Variants in DGKI observed in about 807,000 individuals in gnomAD.
The protein encoded by DGKI is diacylglycerol kinase iota, also known as DAG kinase iota.
A neutral mutation model predicts 147.5 loss-of-function variants in DGKI; 55 were observed. That is an observed-to-expected ratio of 0.37 (90% CI 0.30 to 0.47). The LOEUF is 0.47. Among genes scored for constraint, DGKI ranks in the 20% least tolerant of loss-of-function variants. The pLI, the probability that DGKI is intolerant of heterozygous loss-of-function variation, is 1.00. For missense variants in DGKI, 1,007 were observed against 1,323.8 expected (o/e 0.76, Z 3.71); for synonymous variants, 469 against 477.1 (o/e 0.98, Z 0.22).
chr7:137,786,455 G>GA (rs1226884501), intron 1 of DGKI, among the ~76,000 whole-genome samples: 1 of 151,980 alleles, frequency 6.6e-6, no homozygotes, highest in Non-Finnish European at 1.5e-5. Context: ...AAACACTGCT[G>GA]AAAGAAATCA....
At chr7:137,697,098 G>C (rs530947855) in intron 1 of DGKI, among the ~76,000 whole-genome samples, 4 of 152,262 alleles carry the variant, frequency 2.6e-5, no homozygotes, top group East Asian at 1.9e-4. Context: ...TAGACTTTCA[G>C]CCTCCAGAAC....
intron 1 of DGKI, among the ~76,000 whole-genome samples, chr7:137,841,104 C>G (rs992498790): frequency 6.6e-6 from 1 of 152,228 alleles, no homozygotes; most frequent in African/African-American, 2.4e-5. Context: ...AGTTCAAACC[C>G]TAGTCTAAGT....
At chr7:137,718,316 C>T (rs1436560912) in intron 1 of DGKI, among the ~76,000 whole-genome samples, 1 of 152,120 alleles carries the variant, frequency 6.6e-6, no homozygotes, top group East Asian at 1.9e-4. Context: ...GTAACTTGTC[C>T]CAAATTGTAA....
At chr7:137,400,543 C>A (rs1482988073) in intron 30 of DGKI, among the ~76,000 whole-genome samples, 2 of 152,110 alleles carry the variant, frequency 1.3e-5, no homozygotes, top group African/African-American at 4.8e-5. Flanking sequence ...AAGGTGGGGA[C>A]AAGGAAGAAA....
At chr7:137,472,635 T>G (rs1179949993) in intron 23 of DGKI, among the ~76,000 whole-genome samples, 1 of 151,600 alleles carries the variant, frequency 6.6e-6, no homozygotes, top group South Asian at 2.1e-4. Flanking sequence ...GTGTGACAAC[T>G]TGTTTTAAAG....
At chr7:137,806,918 C>T (rs117773618) in intron 1 of DGKI, among the ~76,000 whole-genome samples, 109 of 152,288 alleles carry the variant, frequency 7.2e-4, no homozygotes, top group Non-Finnish European at 1.2e-3. Context: ...CACCAACCTA[C>T]GTGGCAGAAG....
intron 6 of DGKI, among the ~76,000 whole-genome samples, chr7:137,641,321 G>A (rs1051465182): frequency 6.6e-6 from 1 of 152,038 alleles, no homozygotes; most frequent in Admixed American, 6.6e-5. Flanking sequence ...GCCTAATACA[G>A]GAACTGAACA....
chr7:137,759,970 T>C (rs1795808983), intron 1 of DGKI, among the ~76,000 whole-genome samples: 1 of 152,098 alleles, frequency 6.6e-6, no homozygotes. Context: ...TTTGCTACCA[T>C]AGCGTGAGTG....
chr7:137,621,536 T>C (rs1426017652), intron 7 of DGKI, among the ~76,000 whole-genome samples: 1 of 152,208 alleles, frequency 6.6e-6, no homozygotes, highest in Non-Finnish European at 1.5e-5. Flanking sequence ...ACATCAAATA[T>C]CCTAGAAGGG....
rs565715486 is a variant in DGKI, at chr7:137,729,945, G to A, written c.402-39943C>T. 7.2e-5 allele frequency among the ~76,000 whole-genome samples: 11 copies of A among 152,258 alleles called. No homozygotes were observed. The East Asian group carries it at 2.1e-3, about 29-fold the overall frequency. ...AAACGTAGTGGTTTCTACCAACACT[G>A]TGTTGACAGACGCCTGAAGGAAAGA... On this transcript the variant is annotated intron_variant, in intron 1 of 32. Coordinates refer to ENST00000614521, the MANE Select transcript of DGKI (RefSeq NM_001321708.2).
chr7:137,425,684 C>T (rs1017257789), intron 28 of DGKI, among the ~76,000 whole-genome samples: 2 of 152,052 alleles, frequency 1.3e-5, no homozygotes. Context: ...CTAGAATAAC[C>T]AATACAGAGA....
rs77467072 is a variant in DGKI at position 137,634,031 on chromosome 7, C to T, written c.805-10477G>A. The stretch of plus-strand genomic sequence containing the variant: ...AAGCCCTATGAAGAGTCAGGGGTCC[C>T]CCATGTCAATGAAGCTTCTAGGGGT... On this transcript the variant is annotated intron_variant, in intron 6 of 32. Coordinates refer to ENST00000614521, the MANE Select transcript of DGKI (RefSeq NM_001321708.2). 9.7e-3 allele frequency among the ~76,000 whole-genome samples: 1,471 copies of T among 152,278 alleles called. 32 individuals are homozygous for T. The highest frequency in any genetic ancestry group is 0.034 in the African/African-American group (1,403 of 41,528).
intron 21 of DGKI, among the ~76,000 whole-genome samples, chr7:137,488,501 T>G (rs981069380): frequency 1.3e-5 from 2 of 151,870 alleles, no homozygotes; most frequent in African/African-American, 4.8e-5. Flanking sequence ...TACTGAAAAA[T>G]AGTCTTCTTT....
intron 6 of DGKI, among the ~76,000 whole-genome samples, chr7:137,636,266 T>C (rs569976377): frequency 2.6e-5 from 4 of 152,226 alleles, no homozygotes; most frequent in African/African-American, 9.6e-5. Flanking sequence ...CCAGAGGCAC[T>C]AGTTGAGAGT....
chr7:137,511,337 A>G lies in DGKI; in HGVS notation c.2248+10529T>C, dbSNP rs148840192. Among the ~76,000 whole-genome samples the G allele has an allele frequency of 6.4e-4, 98 of 152,352 alleles. No homozygotes were observed. The East Asian group carries it at 0.017, about 26-fold the overall frequency. On this transcript the variant is annotated intron_variant, in intron 21 of 32. Transcript: ENST00000614521. ...GAGGTGGCTTTATATTCAGGTTTCC[A>G]CTTTTAATTACTCAAATTCCAAATG...
intron 7 of DGKI, among the ~76,000 whole-genome samples, chr7:137,620,749 G>C (rs1467262180): frequency 6.6e-6 from 1 of 152,190 alleles, no homozygotes; most frequent in Admixed American, 6.5e-5. Context: ...CCTTAGGCCA[G>C]TCAAGTTTTC....
chr7:137,385,466 A>AGAGT lies in DGKI; in HGVS notation c.*5750_*5753dup, dbSNP rs1811155759. 1 of 152,006 alleles carries AGAGT rather than the reference A, an allele frequency of 6.6e-6. No homozygotes were observed. Among genetic ancestry groups the AGAGT allele is most frequent in the Non-Finnish European group, 1.5e-5 (1 of 67,962 alleles). The allele number at this position is 152,006 out of a possible 1,614,324, so 9.4% of individuals were successfully genotyped here. A position where few individuals can be genotyped will look rare whatever the true frequency, so the allele number is the denominator to read the frequency against. Reference sequence around the variant, plus strand: ...CATATTCCTAATCACAACACCCCTCAGAGTGGTCAGGTATCCTCTGTTTAA... The same window carrying AGAGT: ...CATATTCCTAATCACAACACCCCTCAGAGTGAGTGGTCAGGTATCCTCTGTTTAA... On this transcript the variant is annotated 3_prime_UTR_variant, in exon 33 of 33. Transcript: ENST00000614521.
chr7:137,509,492 G>A (rs1272117065), intron 21 of DGKI, among the ~76,000 whole-genome samples: 1 of 152,158 alleles, frequency 6.6e-6, no homozygotes, highest in Non-Finnish European at 1.5e-5. Flanking sequence ...CAGTGAAGTC[G>A]TTTTGCATAG....
chr7:137,656,626 T>A, intron 3 of DGKI, 86 bp from the exon 4 acceptor site: 7 of 1,097,556 alleles, frequency 6.4e-6, no homozygotes, highest in Non-Finnish European at 8.1e-6. Context: ...GCATATATAA[T>A]AAATACATAA....
Sources: allele counts gnomAD v4.1 joint callset (sites outside exome capture counted in the v4.1 genomes callset), GRCh38; gene constraint gnomAD v4.1.1; transcripts MANE v1.5; gene names NCBI Gene and HGNC (gene_info 2026-07-23, HGNC 2026-07-21).